Variants in MAPK10 observed in about 807,000 individuals in gnomAD.
The protein encoded by MAPK10 is JNK3 alpha protein kinase.
In MAPK10, 25 loss-of-function variants were observed where a neutral mutation model predicts 59.3. That is an observed-to-expected ratio of 0.42 (90% CI 0.31 to 0.59). The LOEUF (loss-of-function observed/expected upper bound fraction) is 0.59. MAPK10 is among the 20% of genes least tolerant of loss of function. The pLI, the probability that MAPK10 is intolerant of heterozygous loss-of-function variation, is 0.15. For missense variants in MAPK10, 351 were observed against 568.9 expected, an observed-to-expected ratio of 0.62 and a Z score of 3.90; for synonymous variants, 190 against 200.5, an observed-to-expected ratio of 0.95 and a Z score of 0.44.
At chr4:86,572,546 C>T (rs1408976215) in intron 1 of MAPK10, among the ~76,000 whole-genome samples, 1 of 152,090 alleles carries the variant, frequency 6.6e-6, no homozygotes, top group Non-Finnish European at 1.5e-5. Flanking sequence ...TACTGGCAGA[C>T]GAATTTCATA....
intron 2 of MAPK10, among the ~76,000 whole-genome samples, chr4:86,242,707 G>C (rs1014599803): frequency 6.6e-6 from 1 of 152,238 alleles, no homozygotes; most frequent in Non-Finnish European, 1.5e-5. Context: ...TCTAGCAGGG[G>C]AGAAGCGCAG....
intron 1 of MAPK10, chr4:86,392,355 C>T (rs1216580052): frequency 1.3e-5 from 2 of 151,692 alleles, no homozygotes; most frequent in South Asian, 2.1e-4. Context: ...AGGAGAATCG[C>T]TTGAGCCCAG....
chr4:86,223,683 CCA>C (rs1485674564), intron 2 of MAPK10, among the ~76,000 whole-genome samples: 3 of 152,166 alleles, frequency 2.0e-5, no homozygotes, highest in Admixed American at 1.3e-4. Context: ...TTCCTCTGCA[CCA>C]CATCTGGGCA....
At chr4:86,140,742 A>T (rs6531898) in intron 4 of MAPK10, among the ~76,000 whole-genome samples, 122,635 of 152,038 alleles carry the variant, frequency 0.81, 49,656 homozygotes, top group East Asian at 0.88. Context: ...CCAGCTACAA[A>T]TTACACATAC....
Position 86,145,447 on chromosome 4 carries a change from CAT to C in MAPK10, c.236+13849_236+13850del, listed in dbSNP as rs375997436. Among the ~76,000 whole-genome samples the C allele has an allele frequency of 1.2e-3, 175 of 150,868 alleles. 2 individuals are homozygous for C. In the East Asian group the frequency reaches 0.022, roughly 19 times the overall value. ...ATGAAATATTATACAGCATACCAAA[CAT>C]GTGTTATTGTAAGCAAAAATAGTAT... is the stretch of plus-strand genomic sequence containing the variant. On this transcript the variant is annotated intron_variant, in intron 4 of 13. Transcript: ENST00000641462.
intron 2 of MAPK10, among the ~76,000 whole-genome samples, chr4:86,328,649 C>T (rs189226914): frequency 1.3e-5 from 2 of 152,284 alleles, no homozygotes; most frequent in East Asian, 3.9e-4. Context: ...GGCACATATA[C>T]ACCGTAGAAT....
At chr4:86,277,740 T>C (rs1258955965) in intron 2 of MAPK10, among the ~76,000 whole-genome samples, 1 of 152,116 alleles carries the variant, frequency 6.6e-6, no homozygotes. Flanking sequence ...AAACATTGGC[T>C]TATTATGAGT....
intron 1 of MAPK10, among the ~76,000 whole-genome samples, chr4:86,367,828 G>A (rs1270218699): frequency 2.0e-5 from 3 of 151,870 alleles, no homozygotes; most frequent in African/African-American, 7.3e-5. Flanking sequence ...GAATCCAGTC[G>A]CCAAACATCA....
intron 2 of MAPK10, among the ~76,000 whole-genome samples, chr4:86,306,164 C>T (rs992408736): frequency 1.3e-5 from 2 of 152,060 alleles, no homozygotes; most frequent in Admixed American, 1.3e-4. Flanking sequence ...TAAGTAGCCA[C>T]AATAAACCCA....
At chr4:86,193,989 G>T in intron 3 of MAPK10, 1 of 246,624 alleles carries the variant, frequency 4.1e-6, no homozygotes, top group African/African-American at 2.2e-5. Context: ...GGCTTCCCTT[G>T]GCTAGGAGAG....
intron 1 of MAPK10, among the ~76,000 whole-genome samples, chr4:86,420,054 A>T (rs1399573396): frequency 3.9e-5 from 6 of 152,216 alleles, no homozygotes; most frequent in Non-Finnish European, 8.8e-5. Flanking sequence ...TAAATGAAAA[A>T]TAAGACCATT....
intron 2 of MAPK10, among the ~76,000 whole-genome samples, chr4:86,206,528 C>T (rs1470335662): frequency 3.3e-5 from 5 of 152,152 alleles, no homozygotes; most frequent in South Asian, 2.1e-4. Flanking sequence ...GTCTTTATAG[C>T]AGCATGATTT....
intron 1 of MAPK10, among the ~76,000 whole-genome samples, chr4:86,402,679 G>A (rs1167152389): frequency 1.3e-5 from 2 of 152,134 alleles, no homozygotes; most frequent in Non-Finnish European, 2.9e-5. Flanking sequence ...TTTGATTGAG[G>A]TATAAGCCTG....
At chr4:86,525,394 A>C (rs935114008) in intron 1 of MAPK10, among the ~76,000 whole-genome samples, 4 of 152,190 alleles carry the variant, frequency 2.6e-5, no homozygotes, top group Admixed American at 6.5e-5. Context: ...GGAGGTTCCC[A>C]GGTTTGTATT....
At chr4:86,099,501 A>AG (rs2054912787) in intron 8 of MAPK10, 1 of 152,208 alleles carries the variant, frequency 6.6e-6, no homozygotes, top group African/African-American at 2.4e-5. Flanking sequence ...GGCTAGGTGC[A>AG]GGGGACAGCA....
chr4:86,240,112 A>G (rs1403200796), intron 2 of MAPK10, among the ~76,000 whole-genome samples: 1 of 152,160 alleles, frequency 6.6e-6, no homozygotes, highest in East Asian at 1.9e-4. Flanking sequence ...TTTATCCAGG[A>G]GTCATTCCGG....
At chr4:86,129,486 G>A (rs561958382) in intron 4 of MAPK10, among the ~76,000 whole-genome samples, 66 of 152,218 alleles carry the variant, frequency 4.3e-4, no homozygotes, top group South Asian at 3.5e-3. Flanking sequence ...ACAAGGTTTG[G>A]TCCATATAGT....
rs2050051721 is a variant in MAPK10, at chr4:86,078,827, TA to T, written c.803-10873del. Among the ~76,000 whole-genome samples, 4 of 152,052 alleles carry T rather than the reference TA, an allele frequency of 2.6e-5. No individual in the cohort carries two copies. In the South Asian group the frequency reaches 6.2e-4, roughly 24 times the overall value. ...CAACATAGAGAAACCCCGTCTCTAC[TA>T]AAAATACAAAAGCAGCTGGGTGTGG... On this transcript the variant is annotated intron_variant, in intron 9 of 13. Coordinates refer to ENST00000641462, the MANE Select transcript of MAPK10 (RefSeq NM_138982.4).
chr4:86,510,649 G>C (rs1303507434), intron 1 of MAPK10, among the ~76,000 whole-genome samples: 1 of 151,528 alleles, frequency 6.6e-6, no homozygotes, highest in Non-Finnish European at 1.5e-5. Context: ...AGATATACAT[G>C]AATGAAAGAA....
Sources: allele counts gnomAD v4.1 joint callset (sites outside exome capture counted in the v4.1 genomes callset), GRCh38; gene constraint gnomAD v4.1.1; transcripts MANE v1.5; gene names NCBI Gene and HGNC (gene_info 2026-07-23, HGNC 2026-07-21).